RADX: variants seen among roughly 807,000 people sequenced by gnomAD.
The protein encoded by RADX is RPA-related protein RADX.
In RADX, 36 loss-of-function variants were observed where a neutral mutation model predicts 61.6. The ratio of observed to expected loss-of-function variants is 0.58; its 90% CI spans 0.45 to 0.77. The LOEUF is 0.77. Among genes scored for constraint, RADX ranks in the 30% least tolerant of loss-of-function variants. RADX has a pLI of 0.00. For missense variants in RADX, 497 were observed against 651.1 expected (o/e 0.76, Z 2.58); for synonymous variants, 272 against 237.9 (o/e 1.14, Z -1.32).
At chrX:106,616,392 T>G (rs1283470050) in intron 1 of RADX, among the ~76,000 whole-genome samples, 1 of 111,847 alleles carries the variant, frequency 8.9e-6, no homozygotes, top group Non-Finnish European at 1.9e-5. Context: ...AAATCTATAA[T>G]GAGGAGATGT....
At chrX:106,660,455 G>A (rs1294437102) in intron 11 of RADX, among the ~76,000 whole-genome samples, 1 of 111,872 alleles carries the variant, frequency 8.9e-6, no homozygotes, top group Non-Finnish European at 1.9e-5. Context: ...AGTACTCTGG[G>A]AATATGTAAT....
intron 6 of RADX, among the ~76,000 whole-genome samples, chrX:106,634,003 T>G (rs1927302972): frequency 1.8e-5 from 2 of 111,901 alleles, no homozygotes; most frequent in African/African-American, 6.5e-5. Flanking sequence ...GATGACATTT[T>G]ATTTTTTTCC....
At chrX:106,633,495 A>C (rs184579190) in intron 6 of RADX, among the ~76,000 whole-genome samples, 1 of 111,755 alleles carries the variant, frequency 8.9e-6, no homozygotes, top group East Asian at 2.8e-4. Context: ...TCCTCTTATC[A>C]ATTCTCATTG....
chrX:106,635,249 T>G (rs1006470399), intron 6 of RADX, among the ~76,000 whole-genome samples: 3 of 111,539 alleles, frequency 2.7e-5, no homozygotes, highest in African/African-American at 9.8e-5. Context: ...AATTACCTTT[T>G]GAAGAGTTGA....
chrX:106,612,371 G>A lies in RADX; in HGVS notation c.291G>A (p.Val97=), dbSNP rs1399754669. 1.7e-6 allele frequency: 2 copies of A among 1,209,800 alleles called. No individual in the cohort carries two copies. The highest frequency in any genetic ancestry group is 3.5e-5 in the African/African-American group (2 of 57,091). Residue 97 remains valine, a synonymous_variant, in exon 1 of 14, where the codon GTG becomes GTA. Transcript: ENST00000372548. The stretch of plus-strand genomic sequence containing the variant: ...AGCCTCCCCTTTATTGCTATGATGT[G>A]ACGATCTCAGATGGGGTGTACCAGG... ...VPKPPLYCYD[V]TISDGVYQEK...
At chrX:106,616,380 C>T (rs1452163705) in intron 1 of RADX, among the ~76,000 whole-genome samples, 1 of 111,691 alleles carries the variant, frequency 9.0e-6, no homozygotes, top group Non-Finnish European at 1.9e-5. Context: ...TTACTAATAA[C>T]AAAATCTATA....
In RADX at chrX:106,632,972, G is replaced by A. The variant is rs769809960; in HGVS notation, c.1129G>A (p.Val377Ile). ...DDMPENCICD[V>I]IGLLVFVGRV... is the part of the protein sequence containing the mutation. Reference sequence around the variant, plus strand: ...TATGCCAGAAAATTGCATCTGTGATGTTATTGGCCTTTTAGTTTTTGTAGG... The same window carrying A: ...TATGCCAGAAAATTGCATCTGTGATATTATTGGCCTTTTAGTTTTTGTAGG... The change falls in exon 5 of 14, where the codon GTT (valine) becomes ATT (isoleucine). Residue 377 changes from valine (V) to isoleucine (I), a missense_variant. Coordinates refer to ENST00000372548, the MANE Select transcript of RADX (RefSeq NM_018015.6). 8.3e-7 allele frequency: 1 copy of A among 1,210,550 alleles called. No homozygotes were observed. The highest frequency in any genetic ancestry group is 1.1e-6 in the Non-Finnish European group (1 of 894,484).
In RADX at chrX:106,678,413, G is replaced by T. The variant is rs959979514; in HGVS notation, c.*155G>T. The T allele has an allele frequency of 4.9e-5, 18 of 370,406 alleles. No homozygotes were observed. Among genetic ancestry groups the T allele is most frequent in the African/African-American group, 4.6e-4 (18 of 39,470 alleles). The allele number at this position is 370,406 out of a possible 1,213,427, so 30.5% of individuals were successfully genotyped here. A position where few individuals can be genotyped will look rare whatever the true frequency, so the allele number is the denominator to read the frequency against. ...TTTATGTTCGTTTTGTGTTTAGGGA[G>T]CTTTTTAAAACACTTCATTTCAGAT... On this transcript the variant is annotated 3_prime_UTR_variant, in exon 14 of 14. Transcript: ENST00000372548.
chrX:106,642,580 C>G (rs1413891638), intron 10 of RADX, among the ~76,000 whole-genome samples: 1 of 111,780 alleles, frequency 8.9e-6, no homozygotes, highest in African/African-American at 3.2e-5. Flanking sequence ...TTGCAAATCA[C>G]TGGATCTCAT....
chrX:106,622,666 C>T lies in RADX; in HGVS notation c.659C>T (p.Ser220Phe). The part of the protein sequence containing the change: ...EHNFSDTKII[S>F]LSHLEMTWTN... The stretch of plus-strand genomic sequence containing the variant: ...TATATTCTAGATACCAAAATAATTT[C>T]CCTTTCTCATCTTGAAATGACCTGG... The change falls in exon 2 of 14, where the codon TCC (serine) becomes TTC (phenylalanine). Residue 220 changes from serine (S) to phenylalanine (F), a missense_variant. By Grantham distance (155) the Ser-to-Phe change is radical. This residue lies in a region of RADX where 196 missense variants were observed against 315.0 expected (regional missense o/e 0.62). Transcript: ENST00000372548. 1.8e-6 allele frequency: 2 copies of T among 1,125,388 alleles called. No homozygotes were observed. The highest frequency in any genetic ancestry group is 2.4e-6 in the Non-Finnish European group (2 of 826,011). 92.7% of individuals were successfully genotyped at this position (1,125,388 alleles called of 1,213,427 possible).
chrX:106,664,852 A>G (rs141285895), intron 12 of RADX, among the ~76,000 whole-genome samples: 1,754 of 111,033 alleles, frequency 0.016, 16 homozygotes, highest in Non-Finnish European at 0.024. Context: ...TTCCACTGCC[A>G]AGAACACATC....
At chrX:106,642,688 A>G (rs1364328288) in intron 10 of RADX, among the ~76,000 whole-genome samples, 1 of 111,787 alleles carries the variant, frequency 8.9e-6, no homozygotes, top group Non-Finnish European at 1.9e-5. Context: ...AATCTTAGCT[A>G]TTATAAACAG....
intron 10 of RADX, among the ~76,000 whole-genome samples, chrX:106,646,970 C>G (rs776684661): frequency 9.0e-6 from 1 of 111,148 alleles, no homozygotes; most frequent in East Asian, 2.8e-4. Context: ...AGCATTTATC[C>G]TTCGTGTTAC....
chrX:106,616,756 A>G (rs1046451002), intron 1 of RADX, among the ~76,000 whole-genome samples: 10 of 111,046 alleles, frequency 9.0e-5, no homozygotes, highest in Non-Finnish European at 1.9e-4. Flanking sequence ...TAAAAAAATG[A>G]CAAAGCTGAT....
intron 13 of RADX, among the ~76,000 whole-genome samples, chrX:106,674,133 G>A (rs1309758174): frequency 9.0e-6 from 1 of 110,691 alleles, no homozygotes; most frequent in Non-Finnish European, 1.9e-5. Flanking sequence ...GTGCTCACCC[G>A]ACTTTTGATT....
intron 10 of RADX, among the ~76,000 whole-genome samples, chrX:106,641,025 C>T (rs1365383692): frequency 2.7e-5 from 3 of 110,817 alleles, no homozygotes; most frequent in African/African-American, 6.6e-5. Flanking sequence ...GTAGAAGCAT[C>T]ACCCCAATCT....
intron 11 of RADX, among the ~76,000 whole-genome samples, chrX:106,656,799 C>T (rs749106315): frequency 6.3e-5 from 7 of 111,649 alleles, no homozygotes; most frequent in Non-Finnish European, 1.3e-4. Context: ...GTAAACCATA[C>T]TATAAACAGA....
chrX:106,655,010 T>C (rs1457176887), intron 11 of RADX, among the ~76,000 whole-genome samples: 2 of 111,770 alleles, frequency 1.8e-5, no homozygotes, highest in East Asian at 2.8e-4. Flanking sequence ...CATGGTTAAT[T>C]GCAGGCGTAC....
chrX:106,649,697 A>C (rs1047578587), intron 11 of RADX, among the ~76,000 whole-genome samples: 3 of 111,472 alleles, frequency 2.7e-5, no homozygotes, highest in African/African-American at 9.8e-5. Flanking sequence ...GCTCTTGTTC[A>C]GATGTAAGTT....
Sources: gnomAD v4.1 joint callset for allele counts (sites outside exome capture counted in the v4.1 genomes callset) on GRCh38, gnomAD v4.1.1 for gene constraint, gnomAD v4.1.1 regional missense constraint, MANE v1.5 for transcripts, NCBI Gene and HGNC (gene_info 2026-07-23, HGNC 2026-07-21) for gene names.